TENM3: variants seen among roughly 807,000 people sequenced by gnomAD.
TENM3 encodes teneurin-3.
In TENM3, 63 loss-of-function variants were observed where a neutral mutation model predicts 255.1. The ratio of observed to expected loss-of-function variants is 0.25; its 90% CI spans 0.20 to 0.30. The LOEUF (loss-of-function observed/expected upper bound fraction) is 0.30, where lower values mean the gene tolerates loss of function less well. Ranked by LOEUF, TENM3 falls within the 10% of genes least tolerant of loss-of-function variation. The pLI, the probability that TENM3 is intolerant of heterozygous loss-of-function variation, is 1.00. For synonymous variants in TENM3, 1,306 were observed against 1,322.3 expected (o/e 0.99, Z 0.27); for missense variants, 2,929 against 3,461.1 (o/e 0.85, Z 3.86).
At chr4:182,139,398 T>C (rs1319965572), upstream of TENM3, among the ~76,000 whole-genome samples, 2 of 152,336 alleles carry the variant, frequency 1.3e-5, no homozygotes, top group African/African-American at 2.4e-5. Context: ...TTGATACCTA[T>C]ATTTTTAACC....
intron 1 of TENM3, among the ~76,000 whole-genome samples, chr4:182,153,379 T>C (rs1371225090): frequency 6.6e-6 from 1 of 152,118 alleles, no homozygotes; most frequent in Non-Finnish European, 1.5e-5. Context: ...ACAGTGTGCA[T>C]GAATGCATTT....
At chr4:182,383,195 C>T (rs1449245030) in intron 3 of TENM3, among the ~76,000 whole-genome samples, 1 of 152,106 alleles carries the variant, frequency 6.6e-6, no homozygotes, top group Non-Finnish European at 1.5e-5. Flanking sequence ...TTGCTAAACT[C>T]ACTTAACAGG....
At chr4:181,579,233 C>T in the TENM3 span, among the ~76,000 whole-genome samples, 193 of 152,064 alleles carry the variant, frequency 1.3e-3, no homozygotes, top group African/African-American at 4.6e-3. Context: ...CCACTGTGAC[C>T]GCCCACATCA....
At chr4:181,907,002 C>G in the TENM3 span, among the ~76,000 whole-genome samples, 1 of 152,154 alleles carries the variant, frequency 6.6e-6, no homozygotes, top group Non-Finnish European at 1.5e-5. Flanking sequence ...CCTCAGCCTC[C>G]CCAGTAGCTG....
intron 12 of TENM3, among the ~76,000 whole-genome samples, chr4:182,693,668 A>G (rs1030359083): frequency 6.6e-6 from 1 of 152,158 alleles, no homozygotes; most frequent in Non-Finnish European, 1.5e-5. Flanking sequence ...AATAGTACAT[A>G]TATGAGATTT....
At chr4:182,033,124 GT>G in the TENM3 span, among the ~76,000 whole-genome samples, 3 of 151,742 alleles carry the variant, frequency 2.0e-5, no homozygotes, top group Non-Finnish European at 4.4e-5. Context: ...AGTTCTTTTA[GT>G]TTTGATGTTT....
chr4:182,464,804 T>C (rs1732431484), intron 3 of TENM3, among the ~76,000 whole-genome samples: 1 of 152,200 alleles, frequency 6.6e-6, no homozygotes, highest in African/African-American at 2.4e-5. Context: ...TACTGGTTTT[T>C]ACTTATAACC....
At chr4:182,332,411 A>G (rs981004212) in intron 2 of TENM3, among the ~76,000 whole-genome samples, 1 of 152,104 alleles carries the variant, frequency 6.6e-6, no homozygotes, top group African/African-American at 2.4e-5. Flanking sequence ...AATGAGTTCA[A>G]GCCAGGCACA....
In TENM3 at chr4:182,587,066, C is replaced by A. The variant is rs552293466; in HGVS notation, c.512-13858C>A. On this transcript the variant is annotated intron_variant, in intron 3 of 27. Transcript: ENST00000511685. ...AAATGTATTATAATTGTCTTCATAA[C>A]TTTTATAAAACAGATCAGTTTTCTT... Among the ~76,000 whole-genome samples, 6 of 150,604 alleles carry A rather than the reference C, an allele frequency of 4.0e-5. No individual in the cohort carries two copies. In the East Asian group the frequency reaches 1.2e-3, roughly 30 times the overall value.
the TENM3 span, among the ~76,000 whole-genome samples, chr4:181,684,840 G>A: frequency 1.3e-5 from 2 of 150,602 alleles, no homozygotes; most frequent in African/African-American, 2.4e-5. Context: ...CTGCAGCCTC[G>A]AACTCCTGGG....
In TENM3 at chr4:182,799,841, C is replaced by T. The variant is rs755604858; in HGVS notation, c.7590C>T (p.Asn2530=). 2.5e-6 allele frequency: 4 copies of T among 1,611,258 alleles called. No homozygotes were observed. The highest frequency in any genetic ancestry group is 2.7e-5 in the African/African-American group (2 of 75,032). Residue 2530 remains asparagine (N), a synonymous_variant, in exon 28 of 28, where the codon AAC becomes AAT. Coordinates refer to ENST00000511685, the MANE Select transcript of TENM3 (RefSeq NM_001080477.4). The surrounding 1 kb of genome is among the most constrained non-coding windows in gnomAD (Gnocchi z 4.2). ...TCAAGGTGGCGGCCGTGCTCAACAA[C>T]GCCTTCTACCTGGAGAACCTGCACT... ...DCIKVAAVLN[N]AFYLENLHFT...
chr4:182,504,432 G>A (rs1477320963), intron 3 of TENM3, among the ~76,000 whole-genome samples: 1 of 121,044 alleles, frequency 8.3e-6, no homozygotes, highest in Non-Finnish European at 1.7e-5. Context: ...TGATTGGGAT[G>A]TTTCTCCAGA....
chr4:182,545,506 G>A (rs772881391), intron 3 of TENM3, among the ~76,000 whole-genome samples: 12 of 151,672 alleles, frequency 7.9e-5, no homozygotes, highest in Non-Finnish European at 1.8e-4. Flanking sequence ...TCTCTCTTGC[G>A]CAGAACCTCT....
the TENM3 span, among the ~76,000 whole-genome samples, chr4:181,542,615 G>T: frequency 6.6e-6 from 1 of 151,996 alleles, no homozygotes; most frequent in East Asian, 1.9e-4. Flanking sequence ...GATTGGATGA[G>T]GTATGTTATA....
the TENM3 span, among the ~76,000 whole-genome samples, chr4:181,897,743 A>G: frequency 1.3e-5 from 2 of 152,202 alleles, no homozygotes; most frequent in Admixed American, 6.5e-5. Context: ...CTGGCCAGTG[A>G]TAGTGACACA....
chr4:182,794,518 A>G (rs945080203), intron 26 of TENM3, among the ~76,000 whole-genome samples: 3 of 152,234 alleles, frequency 2.0e-5, no homozygotes, highest in Admixed American at 1.3e-4. Context: ...CATTTCTCCC[A>G]TCAGTTGCTT....
chr4:182,649,260 ACTT>A lies in TENM3; in HGVS notation c.989-4507_989-4505del, dbSNP rs796253921. 1.5e-4 allele frequency among the ~76,000 whole-genome samples: 22 copies of A among 150,648 alleles called. 1 individual carries two copies. Among genetic ancestry groups the A allele is most frequent in the African/African-American group, 4.3e-4 (18 of 41,444 alleles). ...ATTTACTAGTTTTAACATTTGGACA[ACTT>A]CTTATTATATTTACCTCATGGGGCA... On this transcript the variant is annotated intron_variant, in intron 5 of 27. Transcript: ENST00000511685.
the TENM3 span, among the ~76,000 whole-genome samples, chr4:181,992,580 T>G: frequency 6.6e-6 from 1 of 152,292 alleles, no homozygotes. Context: ...TCTTTACATT[T>G]TACATGTTAT....
At chr4:182,237,791 A>G (rs1215711686) in intron 1 of TENM3, among the ~76,000 whole-genome samples, 1 of 152,170 alleles carries the variant, frequency 6.6e-6, no homozygotes, top group Non-Finnish European at 1.5e-5. Context: ...TAAAGAGGAT[A>G]AGTCAGTACA....
Sources: allele counts gnomAD v4.1 joint callset (sites outside exome capture counted in the v4.1 genomes callset), GRCh38; gene constraint gnomAD v4.1.1; non-coding constraint Gnocchi (gnomAD v3.1); transcripts MANE v1.5; gene names NCBI Gene and HGNC (gene_info 2026-07-23, HGNC 2026-07-21).